AGBL3: variants seen among roughly 807,000 people sequenced by gnomAD.
AGBL3 encodes AGBL carboxypeptidase 3, also known as cytosolic carboxypeptidase 3.
In AGBL3, 68 loss-of-function variants were observed where a neutral mutation model predicts 94.5. That is an observed-to-expected ratio of 0.72 (90% CI 0.59 to 0.88). The LOEUF (loss-of-function observed/expected upper bound fraction) is 0.88. Ranked by LOEUF, AGBL3 falls within the 40% of genes least tolerant of loss-of-function variation. AGBL3 has a pLI of 0.00. For missense variants in AGBL3, 934 were observed against 1,103.8 expected, an observed-to-expected ratio of 0.85 and a Z score of 2.18; for synonymous variants, 354 against 370.7, an observed-to-expected ratio of 0.95 and a Z score of 0.52.
intron 11 of AGBL3, among the ~76,000 whole-genome samples, chr7:135,046,992 TTTA>T (rs1416258633): frequency 6.6e-6 from 1 of 152,030 alleles, no homozygotes; most frequent in Non-Finnish European, 1.5e-5. Context: ...TGTACAATAT[TTTA>T]TTATTTTTGA....
intron 5 of AGBL3, among the ~76,000 whole-genome samples, chr7:135,018,146 A>G (rs985063361): frequency 1.3e-5 from 2 of 152,236 alleles, no homozygotes; most frequent in Non-Finnish European, 2.9e-5. Context: ...ACATAGGACT[A>G]TCAACAGAGG....
chr7:135,128,735 G>T (rs1168122225), intron 16 of AGBL3: 8 of 1,385,496 alleles, frequency 5.8e-6, no homozygotes, highest in Admixed American at 5.3e-5. Flanking sequence ...GTGCAGAGAA[G>T]GACAGCTCAA....
chr7:135,054,287 GAAGCA>G (rs1016473734), intron 11 of AGBL3, among the ~76,000 whole-genome samples: 1 of 152,190 alleles, frequency 6.6e-6, no homozygotes, highest in Non-Finnish European at 1.5e-5. Flanking sequence ...CTGTATCTGA[GAAGCA>G]AAGTAAAATA....
intron 12 of AGBL3, 24 bp downstream of exon 12, chr7:135,059,259 T>C: frequency 6.6e-7 from 1 of 1,525,762 alleles, no homozygotes; most frequent in Non-Finnish European, 8.9e-7. Flanking sequence ...TTTTTGCTTA[T>C]ATGTGGATAT....
At chr7:135,104,270 T>C (rs1288800620) in intron 15 of AGBL3, among the ~76,000 whole-genome samples, 1 of 152,272 alleles carries the variant, frequency 6.6e-6, no homozygotes, top group Non-Finnish European at 1.5e-5. Flanking sequence ...GGCTACATAG[T>C]ATTCCATGGT....
At chr7:134,997,569 A>G (rs1041364949) in intron 4 of AGBL3, among the ~76,000 whole-genome samples, 1 of 152,134 alleles carries the variant, frequency 6.6e-6, no homozygotes, top group Non-Finnish European at 1.5e-5. Flanking sequence ...TTAGTTACTT[A>G]GTCTCTGGCC....
intron 4 of AGBL3, among the ~76,000 whole-genome samples, chr7:135,006,463 A>G (rs1341000179): frequency 1.3e-5 from 2 of 152,084 alleles, no homozygotes; most frequent in East Asian, 3.9e-4. Flanking sequence ...AATTTGGAGG[A>G]CAACTAGCTG....
chr7:135,058,138 A>G (rs1818499963), intron 11 of AGBL3, among the ~76,000 whole-genome samples: 1 of 152,218 alleles, frequency 6.6e-6, no homozygotes, highest in South Asian at 2.1e-4. Context: ...ATACTATCAG[A>G]TATCTAATTT....
At chr7:135,054,265 A>G (rs886212447) in intron 11 of AGBL3, among the ~76,000 whole-genome samples, 1 of 152,240 alleles carries the variant, frequency 6.6e-6, no homozygotes, top group African/African-American at 2.4e-5. Context: ...CCATTTTATA[A>G]GCACCTTGTA....
rs1451519672 is a variant in AGBL3, at chr7:135,017,106, A to C, written c.365A>C (p.Glu122Ala). Residue 122 changes from glutamate to alanine, a missense_variant, in exon 5 of 17, where the codon GAA becomes GCA. By Grantham distance (107) the Glu-to-Ala change is moderately radical. This residue lies in a region of AGBL3 where 488 missense variants were observed against 563.6 expected (regional missense o/e 0.87). Coordinates refer to ENST00000436302, the MANE Select transcript of AGBL3 (RefSeq NM_178563.4). ...TATATCCCAACGGGCTTAGAAACGG[A>C]ACCCCTTTATCCAGACTCCAAGGAA... ...PVYIPTGLET[E>A]PLYPDSKEAT... 3 of 1,551,310 alleles carry C rather than the reference A, an allele frequency of 1.9e-6. No homozygotes were observed. In the East Asian group the frequency reaches 7.3e-5, roughly 38 times the overall value.
chr7:135,005,529 A>G (rs1055129959), intron 4 of AGBL3, among the ~76,000 whole-genome samples: 5 of 151,660 alleles, frequency 3.3e-5, no homozygotes, highest in African/African-American at 4.8e-5. Context: ...TAAGATGTCA[A>G]CTCTCCCCAG....
intron 12 of AGBL3, among the ~76,000 whole-genome samples, chr7:135,064,048 A>T (rs1725129164): frequency 6.6e-6 from 1 of 152,226 alleles, no homozygotes; most frequent in African/African-American, 2.4e-5. Context: ...AGGGCAAGAC[A>T]AACCATGCAA....
At chr7:135,132,115 T>G (rs1828856518) in intron 16 of AGBL3, among the ~76,000 whole-genome samples, 1 of 152,190 alleles carries the variant, frequency 6.6e-6, no homozygotes, top group African/African-American at 2.4e-5. Context: ...TTAATACCAA[T>G]TCTATACAAT....
At chr7:135,096,607 A>G (rs1412871018) in intron 15 of AGBL3, among the ~76,000 whole-genome samples, 2 of 123,228 alleles carry the variant, frequency 1.6e-5, no homozygotes, top group African/African-American at 5.7e-5. Flanking sequence ...ATAGATAGAT[A>G]GATAGATAGA....
At chr7:135,091,203 C>G (rs1352591304) in intron 15 of AGBL3, among the ~76,000 whole-genome samples, 1 of 152,088 alleles carries the variant, frequency 6.6e-6, no homozygotes, top group African/African-American at 2.4e-5. Context: ...TCCATATGGC[C>G]TTCCCTAGTT....
chr7:134,990,661 G>A (rs1042051005), intron 3 of AGBL3, among the ~76,000 whole-genome samples: 3 of 152,186 alleles, frequency 2.0e-5, no homozygotes, highest in Non-Finnish European at 4.4e-5. Flanking sequence ...ATGAGAAACT[G>A]TATCTGTTTT....
At chr7:135,129,208 G>T in intron 16 of AGBL3, 2 of 1,438,362 alleles carry the variant, frequency 1.4e-6, no homozygotes, top group Non-Finnish European at 2.0e-6. Context: ...CACGCATGCT[G>T]CCAGCTGCCT....
chr7:135,128,505 A>C (rs1417853499), intron 16 of AGBL3: 1 of 758,884 alleles, frequency 1.3e-6, no homozygotes, highest in East Asian at 2.5e-5. Flanking sequence ...TTTACGATGG[A>C]GATGAATTTA....
chr7:135,076,281 G>A, intron 12 of AGBL3, 116 bp from the exon 13 acceptor site: 1 of 800,168 alleles, frequency 1.2e-6, no homozygotes, highest in East Asian at 2.9e-5. Context: ...TTAGTGGGAG[G>A]AATAAAGTAC....
Sources: gnomAD v4.1 joint callset for allele counts (sites outside exome capture counted in the v4.1 genomes callset) on GRCh38, gnomAD v4.1.1 for gene constraint, gnomAD v4.1.1 regional missense constraint, MANE v1.5 for transcripts, NCBI Gene and HGNC (gene_info 2026-07-23, HGNC 2026-07-21) for gene names.